Variants in SCN8A observed in about 807,000 individuals in gnomAD.
The protein encoded by SCN8A is sodium voltage-gated channel alpha subunit 8.
In SCN8A, 30 loss-of-function variants were observed where a neutral mutation model predicts 184.1. The ratio of observed to expected loss-of-function variants is 0.16; its 90% confidence interval spans 0.12 to 0.22. SCN8A has a LOEUF of 0.22. Ranked by LOEUF, SCN8A falls within the 10% of genes least tolerant of loss-of-function variation. The pLI, the probability that SCN8A is intolerant of heterozygous loss-of-function variation, is 1.00. For synonymous variants in SCN8A, 852 were observed against 907.0 expected, an observed-to-expected ratio of 0.94 and a Z score of 1.09; for missense variants, 1,057 against 2,498.9, an observed-to-expected ratio of 0.42 and a Z score of 12.30.
chr12:51,736,018 T>C (rs1018299058), intron 12 of SCN8A, among the ~76,000 whole-genome samples: 2 of 152,158 alleles, frequency 1.3e-5, no homozygotes, highest in African/African-American at 4.8e-5. Flanking sequence ...CTCAAAAAAT[T>C]TAAAGTTAAT....
chr12:51,632,470 T>TCAGTCTTATGTCTAAGA (rs1940217630), intron 1 of SCN8A, among the ~76,000 whole-genome samples: 1 of 152,162 alleles, frequency 6.6e-6, no homozygotes, highest in Non-Finnish European at 1.5e-5. Flanking sequence ...GTGGCTGTAC[T>TCAGTCTTATGTCTAAGA]CTTATGTCTA....
At chr12:51,770,267 C>T in intron 18 of SCN8A, 1 of 587,906 alleles carries the variant, frequency 1.7e-6, no homozygotes, top group South Asian at 2.3e-5. Context: ...GTGCCTGCCT[C>T]CTGACTACCC....
chr12:51,790,402 G>T lies in SCN8A; in HGVS notation c.4424G>T (p.Gly1475Val). The T allele has an allele frequency of 6.2e-7, 1 of 1,603,868 alleles. No individual in the cohort carries two copies. Among genetic ancestry groups the T allele is most frequent in the Non-Finnish European group, 8.5e-7 (1 of 1,175,372 alleles). ...DNFNQQKKKF[G>V]GQDIFMTEEQ... is the part of the protein sequence containing the mutation. The stretch of plus-strand genomic sequence containing the variant: ...TTTTCTTCTTCCCTCCTTTACTTCG[G>T]AGGTCAGGACATCTTCATGACCGAA... Residue 1475 changes from glycine (G) to valine (V), a missense_variant, in exon 25 of 27, where the codon GGA (glycine) becomes GTA (valine). By Grantham distance (109) the Gly-to-Val change is moderately radical. Around this residue, in one of 19 missense-constraint regions of SCN8A, gnomAD observed 37 missense variants for 216.1 expected, o/e 0.17. Transcript: ENST00000627620.
At chr12:51,720,381 C>T (rs2138778825) in intron 11 of SCN8A, among the ~76,000 whole-genome samples, 1 of 147,172 alleles carries the variant, frequency 6.8e-6, no homozygotes, top group East Asian at 2.0e-4. Context: ...TGCATATTCT[C>T]ACTGATAGGT....
chr12:51,695,404 G>T (rs1033088204), intron 6 of SCN8A, among the ~76,000 whole-genome samples: 1 of 152,224 alleles, frequency 6.6e-6, no homozygotes, highest in Non-Finnish European at 1.5e-5. Flanking sequence ...TTATGGAGAA[G>T]AGATGTTAAA....
chr12:51,605,485 A>G (rs900949470), intron 1 of SCN8A, among the ~76,000 whole-genome samples: 2 of 152,002 alleles, frequency 1.3e-5, no homozygotes, highest in Non-Finnish European at 2.9e-5. Flanking sequence ...TTCTTTATCC[A>G]CTTGTTGATT....
chr12:51,615,680 G>A (rs1388102044), intron 1 of SCN8A, among the ~76,000 whole-genome samples: 1 of 151,712 alleles, frequency 6.6e-6, no homozygotes, highest in African/African-American at 2.4e-5. Context: ...GTTATAATTT[G>A]TGCTTTTCAA....
chr12:51,726,963 A>C (rs550622521), intron 12 of SCN8A, among the ~76,000 whole-genome samples: 1 of 152,250 alleles, frequency 6.6e-6, no homozygotes, highest in Admixed American at 6.5e-5. Flanking sequence ...ATAAAATGCC[A>C]TAAGTTTTAA....
At chr12:51,679,110 A>G (rs914912183) in intron 2 of SCN8A, among the ~76,000 whole-genome samples, 2 of 148,958 alleles carry the variant, frequency 1.3e-5, no homozygotes, top group African/African-American at 5.0e-5. Flanking sequence ...AAATAAAGCT[A>G]CTCACCCCAG....
intron 8 of SCN8A, among the ~76,000 whole-genome samples, chr12:51,702,378 G>A: frequency 6.6e-6 from 1 of 150,650 alleles, no homozygotes; most frequent in East Asian, 1.9e-4. Context: ...TGGGATAATA[G>A]CTGAGTTAAA....
chr12:51,752,103 C>T (rs1233063522), intron 14 of SCN8A, among the ~76,000 whole-genome samples: 1 of 152,088 alleles, frequency 6.6e-6, no homozygotes, highest in African/African-American at 2.4e-5. Flanking sequence ...TGGTTTCCCC[C>T]TCCAATCCAA....
At chr12:51,625,606 G>A (rs563756822) in intron 1 of SCN8A, among the ~76,000 whole-genome samples, 1 of 152,270 alleles carries the variant, frequency 6.6e-6, no homozygotes, top group South Asian at 2.1e-4. Flanking sequence ...CGGTATTAGA[G>A]TTTAATCACC....
chr12:51,630,675 C>T (rs1342870164), intron 1 of SCN8A, among the ~76,000 whole-genome samples: 1 of 152,102 alleles, frequency 6.6e-6, no homozygotes, highest in African/African-American at 2.4e-5. Flanking sequence ...GGCACTGGCT[C>T]ATGACAAGTG....
At chr12:51,687,536 T>C (rs1941438912) in intron 5 of SCN8A, among the ~76,000 whole-genome samples, 1 of 152,226 alleles carries the variant, frequency 6.6e-6, no homozygotes, top group South Asian at 2.1e-4. Context: ...TGCACACCTA[T>C]CATTACAAGG....
intron 1 of SCN8A, among the ~76,000 whole-genome samples, chr12:51,621,933 T>C (rs755825781): frequency 1.3e-5 from 2 of 152,240 alleles, no homozygotes; most frequent in Non-Finnish European, 2.9e-5. Context: ...TGACCGTGAA[T>C]GTGCCATGGA....
At chr12:51,805,526 C>T (rs542040318) in intron 26 of SCN8A, among the ~76,000 whole-genome samples, 18 of 151,932 alleles carry the variant, frequency 1.2e-4, no homozygotes, top group Admixed American at 1.3e-4. Context: ...TCTATAAAGG[C>T]ACACACTAGA....
chr12:51,696,703 G>A (rs2138729888), intron 6 of SCN8A, among the ~76,000 whole-genome samples: 1 of 152,238 alleles, frequency 6.6e-6, no homozygotes. Flanking sequence ...GAGAAAATGA[G>A]ACTATGAGAA....
intron 11 of SCN8A, among the ~76,000 whole-genome samples, chr12:51,720,075 C>CAAAAAA (rs397944526): frequency 2.3e-5 from 2 of 85,460 alleles, no homozygotes; most frequent in East Asian, 3.4e-4. Flanking sequence ...GACTCCGTCT[C>CAAAAAA]AAAAAAAAAA....
At chr12:51,635,936 C>T (rs1055764260) in intron 1 of SCN8A, among the ~76,000 whole-genome samples, 1 of 152,156 alleles carries the variant, frequency 6.6e-6, no homozygotes, top group African/African-American at 2.4e-5. Flanking sequence ...CAGAAGCCCA[C>T]CCAACTTCTC....
Sources: allele counts gnomAD v4.1 joint callset (sites outside exome capture counted in the v4.1 genomes callset), GRCh38; gene constraint gnomAD v4.1.1; regional missense constraint gnomAD v4.1.1; transcripts MANE v1.5; gene names NCBI Gene and HGNC (gene_info 2026-07-23, HGNC 2026-07-21).